Variants in USPL1 observed in about 807,000 individuals in gnomAD.
USPL1 encodes the protein ubiquitin specific peptidase like 1, also known as SUMO-specific isopeptidase USPL1.
A neutral mutation model predicts 51.5 loss-of-function variants in USPL1; 27 were observed. The ratio of observed to expected loss-of-function variants is 0.52; its 90% confidence interval spans 0.39 to 0.72. The LOEUF (loss-of-function observed/expected upper bound fraction) is 0.72. Among genes scored for constraint, USPL1 ranks in the 30% least tolerant of loss-of-function variants. USPL1 has a pLI of 0.00. For missense variants in USPL1, 1,226 were observed against 1,268.0 expected (o/e 0.97, Z 0.50); for synonymous variants, 451 against 459.6 (o/e 0.98, Z 0.24).
At chr13:30,627,966 C>T (rs912051123) in intron 3 of USPL1, among the ~76,000 whole-genome samples, 1 of 151,746 alleles carries the variant, frequency 6.6e-6, no homozygotes, top group African/African-American at 2.4e-5. Flanking sequence ...CAACTTCTGC[C>T]TGCGGGTTCA....
chr13:30,653,612 A>G (rs1951121143), intron 8 of USPL1, among the ~76,000 whole-genome samples: 2 of 151,848 alleles, frequency 1.3e-5, no homozygotes, highest in East Asian at 3.9e-4. Flanking sequence ...CCTACTTAAC[A>G]TCTTTGCTTT....
intron 1 of USPL1, among the ~76,000 whole-genome samples, chr13:30,619,413 CTT>C (rs1489270968): frequency 4.6e-5 from 7 of 152,204 alleles, no homozygotes; most frequent in African/African-American, 1.7e-4. Flanking sequence ...TTTGGAGACT[CTT>C]TATATTTTAT....
In USPL1 at chr13:30,657,563, A is replaced by T; in HGVS notation, c.1486A>T (p.Ile496Phe). The part of the protein sequence containing the change: ...EVPASEIHIV[I>F]WERKISQVTD... ...TCCTGCTTCAGAGATACATATTGTTATTTGGGAAAGAAAAATATCCCAAGT... is the reference window on the plus strand; with the variant it reads ...TCCTGCTTCAGAGATACATATTGTTTTTTGGGAAAGAAAAATATCCCAAGT... The change falls in exon 9 of 9, where the codon ATT becomes TTT. Residue 496 changes from isoleucine to phenylalanine, a missense_variant. Physicochemically the swap from Ile to Phe is conservative, Grantham distance 21 (BLOSUM62 0). Coordinates refer to ENST00000255304, the MANE Select transcript of USPL1 (RefSeq NM_005800.5). The T allele has an allele frequency of 6.2e-7, 1 of 1,614,170 alleles. No homozygotes were observed. Among genetic ancestry groups the T allele is most frequent in the Non-Finnish European group, 8.5e-7 (1 of 1,180,024 alleles).
chr13:30,647,402 A>G (rs1167396668), intron 7 of USPL1, among the ~76,000 whole-genome samples: 1 of 152,176 alleles, frequency 6.6e-6, no homozygotes, highest in Non-Finnish European at 1.5e-5. Context: ...TCAGATTTCA[A>G]GAACTAAGAT....
intron 3 of USPL1, among the ~76,000 whole-genome samples, chr13:30,629,589 T>C (rs535416755): frequency 6.6e-6 from 1 of 152,196 alleles, no homozygotes; most frequent in South Asian, 2.1e-4. Flanking sequence ...AGCTGAAATG[T>C]CCACATGGCT....
At chr13:30,645,118 C>G (rs2137684120) in intron 6 of USPL1, among the ~76,000 whole-genome samples, 1 of 152,302 alleles carries the variant, frequency 6.6e-6, no homozygotes, top group Non-Finnish European at 1.5e-5. Flanking sequence ...GCTCTTCTGG[C>G]CTCTAAGACT....
intron 6 of USPL1, among the ~76,000 whole-genome samples, chr13:30,644,103 T>C (rs770717387): frequency 1.3e-5 from 2 of 151,606 alleles, no homozygotes; most frequent in Admixed American, 6.6e-5. Context: ...GCCAACATGG[T>C]GAAACGCTGT....
intron 4 of USPL1, among the ~76,000 whole-genome samples, chr13:30,635,370 C>T (rs1176238170): frequency 6.6e-6 from 1 of 152,126 alleles, no homozygotes; most frequent in Non-Finnish European, 1.5e-5. Context: ...TTCCCATTTG[C>T]ATAGCCAGTT....
rs375213533 is a variant in USPL1, at chr13:30,658,983, A to T, written c.2906A>T (p.Glu969Val). The change falls in exon 9 of 9, where the codon GAA becomes GTA. Residue 969 changes from glutamate (E) to valine (V), a missense_variant. By Grantham distance (121) the Glu-to-Val change is moderately radical (BLOSUM62 -2). Coordinates refer to ENST00000255304, the MANE Select transcript of USPL1 (RefSeq NM_005800.5). ...GVSLYSSQTHEEILAELLSPT... is the reference protein window; with the variant it reads ...GVSLYSSQTHVEILAELLSPT... Reference sequence around the variant, plus strand: ...TCCCTGTACAGTAGTCAAACTCATGAAGAAATTTTAGCGGAATTATTGTCT... The same window carrying T: ...TCCCTGTACAGTAGTCAAACTCATGTAGAAATTTTAGCGGAATTATTGTCT... 2.9e-5 allele frequency: 47 copies of T among 1,614,090 alleles called. No individual in the cohort carries two copies. Among genetic ancestry groups the T allele is most frequent in the Non-Finnish European group, 3.8e-5 (45 of 1,180,038 alleles).
At chr13:30,648,986 C>G (rs1951053448) in intron 7 of USPL1, among the ~76,000 whole-genome samples, 1 of 152,196 alleles carries the variant, frequency 6.6e-6, no homozygotes, top group African/African-American at 2.4e-5. Context: ...TGTGCCCCAG[C>G]ACTGAACATA....
chr13:30,625,654 G>A (rs993588150), intron 3 of USPL1, among the ~76,000 whole-genome samples: 2 of 151,886 alleles, frequency 1.3e-5, no homozygotes, highest in Admixed American at 1.3e-4. Context: ...CTATGGCCAG[G>A]ATGGGCTTGA....
intron 6 of USPL1, among the ~76,000 whole-genome samples, chr13:30,644,530 A>G (rs1216067724): frequency 1.3e-5 from 2 of 152,154 alleles, no homozygotes; most frequent in Admixed American, 6.5e-5. Context: ...ACGAGAAGTT[A>G]TCATTGAAAT....
chr13:30,638,340 A>G (rs1159228925), intron 5 of USPL1, among the ~76,000 whole-genome samples: 1 of 152,172 alleles, frequency 6.6e-6, no homozygotes, highest in Non-Finnish European at 1.5e-5. Context: ...AACCATAGTA[A>G]TTCTACTTCC....
At chr13:30,645,674 G>A (rs964431463) in intron 6 of USPL1, among the ~76,000 whole-genome samples, 3 of 152,176 alleles carry the variant, frequency 2.0e-5, no homozygotes, top group African/African-American at 7.2e-5. Context: ...TTTTTGTGAA[G>A]CTGTTTTTAG....
chr13:30,655,987 G>A (rs907670571), intron 8 of USPL1, among the ~76,000 whole-genome samples: 2 of 151,858 alleles, frequency 1.3e-5, no homozygotes, highest in East Asian at 1.9e-4. Flanking sequence ...ATATACAGTG[G>A]AAGTATGGAT....
At chr13:30,638,898 T>C (rs182456881) in intron 5 of USPL1, among the ~76,000 whole-genome samples, 5 of 150,022 alleles carry the variant, frequency 3.3e-5, no homozygotes, top group Admixed American at 2.0e-4. Context: ...TTACAATATA[T>C]TTATAACATA....
intron 1 of USPL1, among the ~76,000 whole-genome samples, chr13:30,618,326 G>T (rs551395690): frequency 1.3e-3 from 202 of 152,212 alleles, no homozygotes; most frequent in African/African-American, 4.6e-3. Context: ...CGCCTCCTTC[G>T]GCTTCTTAGT....
intron 3 of USPL1, among the ~76,000 whole-genome samples, chr13:30,625,877 C>A (rs903824629): frequency 5.9e-5 from 9 of 152,022 alleles, no homozygotes; most frequent in Non-Finnish European, 1.3e-4. Flanking sequence ...AATTTCTAGT[C>A]AGCAATGAGA....
chr13:30,628,290 A>G (rs1056604301), intron 3 of USPL1, among the ~76,000 whole-genome samples: 5 of 152,132 alleles, frequency 3.3e-5, no homozygotes, highest in Non-Finnish European at 5.9e-5. Flanking sequence ...TTCACTTGGC[A>G]TAATGGCCTC....
Sources: gnomAD v4.1 joint callset for allele counts (sites outside exome capture counted in the v4.1 genomes callset) on GRCh38, gnomAD v4.1.1 for gene constraint, MANE v1.5 for transcripts, NCBI Gene and HGNC (gene_info 2026-07-23, HGNC 2026-07-21) for gene names.